NTM: variants seen among roughly 807,000 people sequenced by gnomAD.
NTM encodes the protein neurotrimin.
Under a neutral mutation model 42.1 loss-of-function variants are expected in NTM, and 13 were observed. The ratio of observed to expected loss-of-function variants is 0.31; its 90% confidence interval spans 0.20 to 0.49. The LOEUF (loss-of-function observed/expected upper bound fraction) is 0.49. NTM is among the 20% of genes least tolerant of loss of function. The pLI is 0.99. For missense variants in NTM, 373 were observed against 452.8 expected, an observed-to-expected ratio of 0.82 and a Z score of 1.60; for synonymous variants, 187 against 179.2, an observed-to-expected ratio of 1.04 and a Z score of -0.35.
chr11:131,970,363 C>T (rs1433108042), intron 2 of NTM, among the ~76,000 whole-genome samples: 1 of 152,210 alleles, frequency 6.6e-6, no homozygotes, highest in African/African-American at 2.4e-5. Flanking sequence ...CCACTCTGCA[C>T]CAGGTAAACT....
chr11:132,150,073 C>T (rs1486696700), intron 3 of NTM, among the ~76,000 whole-genome samples: 3 of 152,112 alleles, frequency 2.0e-5, no homozygotes, highest in Non-Finnish European at 2.9e-5. Flanking sequence ...AAGCACAGCA[C>T]CAACATTTGC....
chr11:131,432,836 A>ATTTTTTTTTTTT (rs1565494754), intron 1 of NTM, among the ~76,000 whole-genome samples: 1 of 87,388 alleles, frequency 1.1e-5, no homozygotes, highest in Non-Finnish European at 2.3e-5. Context: ...AAGATTTAGC[A>ATTTTTTTTTTTT]TTCTTTTTTT....
intron 3 of NTM, among the ~76,000 whole-genome samples, chr11:132,174,964 C>T (rs1333449859): frequency 2.0e-5 from 3 of 152,076 alleles, no homozygotes; most frequent in Non-Finnish European, 4.4e-5. Context: ...AACAAGACTT[C>T]ATATTTATCT....
chr11:131,952,317 A>G (rs1011563604), intron 2 of NTM, among the ~76,000 whole-genome samples: 2 of 152,210 alleles, frequency 1.3e-5, no homozygotes, highest in African/African-American at 2.4e-5. Context: ...ACCAGGATCT[A>G]TGTTCCTTCA....
intron 8 of NTM, among the ~76,000 whole-genome samples, chr11:132,331,990 G>A (rs75514463): frequency 0.011 from 1,636 of 152,290 alleles, 39 homozygotes; most frequent in African/African-American, 0.037. Context: ...TGTAGTGCTC[G>A]GTCCACTGAG....
chr11:131,634,525 G>A (rs555952992), intron 1 of NTM, among the ~76,000 whole-genome samples: 2 of 152,138 alleles, frequency 1.3e-5, no homozygotes, highest in East Asian at 1.9e-4. Context: ...ATATGTCGAT[G>A]TTGAACGCTT....
At chr11:131,855,998 G>A (rs967783576) in intron 1 of NTM, among the ~76,000 whole-genome samples, 2 of 152,214 alleles carry the variant, frequency 1.3e-5, no homozygotes, top group Non-Finnish European at 2.9e-5. Context: ...GATGGTGAGT[G>A]TCCAATAAAT....
intron 1 of NTM, among the ~76,000 whole-genome samples, chr11:131,757,938 A>T (rs2083551242): frequency 6.6e-6 from 1 of 152,242 alleles, no homozygotes; most frequent in South Asian, 2.1e-4. Flanking sequence ...AAGTAGATAA[A>T]AGATTTAATG....
In NTM at chr11:131,997,521, G is replaced by A. The variant is rs76312339; in HGVS notation, c.167+85873G>A. Among the ~76,000 whole-genome samples, 748 of 152,290 alleles carry A rather than the reference G, an allele frequency of 4.9e-3. 10 individuals carry two copies. Among genetic ancestry groups the A allele is most frequent in the African/African-American group, 0.016 (656 of 41,564 alleles). ...GCTGGCATGGTGGTGGTGAGCATGC[G>A]GGCAGTGGGTTTGCAGGCATAGCAC... On this transcript the variant is annotated intron_variant, in intron 2 of 8. Transcript: ENST00000683400.
chr11:131,406,200 T>C (rs1222653003), intron 1 of NTM, among the ~76,000 whole-genome samples: 2 of 152,210 alleles, frequency 1.3e-5, no homozygotes, highest in East Asian at 3.8e-4. Context: ...TGCTCAATAA[T>C]GTCAGAGTTA....
intron 1 of NTM, among the ~76,000 whole-genome samples, chr11:131,437,206 A>G (rs2135950817): frequency 6.6e-6 from 1 of 152,284 alleles, no homozygotes; most frequent in African/African-American, 2.4e-5. Flanking sequence ...ACTTTCAACT[A>G]TGTGGTCAAT....
intron 1 of NTM, among the ~76,000 whole-genome samples, chr11:131,440,879 T>C (rs1949569682): frequency 7.6e-6 from 1 of 131,884 alleles, no homozygotes; most frequent in Non-Finnish European, 1.6e-5. Context: ...TGCCCGTGTC[T>C]GGGGGTTTGC....
At chr11:131,721,551 T>G (rs1488343123) in intron 1 of NTM, among the ~76,000 whole-genome samples, 2 of 151,926 alleles carry the variant, frequency 1.3e-5, no homozygotes, top group Non-Finnish European at 2.9e-5. Context: ...GGCTTTGGAG[T>G]CAAATATGAG....
chr11:131,975,477 C>G (rs890702231), intron 2 of NTM, among the ~76,000 whole-genome samples: 8 of 151,934 alleles, frequency 5.3e-5, no homozygotes, highest in African/African-American at 1.9e-4. Context: ...TGCGCCTGGC[C>G]GAATCTTGCC....
intron 1 of NTM, among the ~76,000 whole-genome samples, chr11:131,571,419 C>A (rs1411933583): frequency 1.3e-5 from 2 of 152,178 alleles, no homozygotes; most frequent in African/African-American, 4.8e-5. Flanking sequence ...GAAAACTGAG[C>A]TTTCCAGGAA....
intron 1 of NTM, among the ~76,000 whole-genome samples, chr11:131,875,352 T>C (rs2048381051): frequency 6.6e-6 from 1 of 152,236 alleles, no homozygotes. Context: ...ATCTGTGAAT[T>C]GTTTACACCT....
At chr11:131,383,052 A>G (rs1300259071) in intron 1 of NTM, among the ~76,000 whole-genome samples, 1 of 152,150 alleles carries the variant, frequency 6.6e-6, no homozygotes, top group Non-Finnish European at 1.5e-5. Flanking sequence ...TAAACACTTA[A>G]AACTTTATTG....
chr11:131,627,252 G>A (rs868446852), intron 1 of NTM, among the ~76,000 whole-genome samples: 2 of 151,050 alleles, frequency 1.3e-5, no homozygotes, highest in Middle Eastern at 3.4e-3. Flanking sequence ...TTGGGGGTAT[G>A]GGGAAGGACG....
intron 1 of NTM, among the ~76,000 whole-genome samples, chr11:131,477,869 T>C (rs1192385916): frequency 2.6e-5 from 4 of 151,462 alleles, no homozygotes; most frequent in Non-Finnish European, 5.9e-5. Flanking sequence ...TCCCTATCCT[T>C]ACCTACAACG....
Sources: allele counts gnomAD v4.1 joint callset (sites outside exome capture counted in the v4.1 genomes callset), GRCh38; gene constraint gnomAD v4.1.1; transcripts MANE v1.5; gene names NCBI Gene and HGNC (gene_info 2026-07-23, HGNC 2026-07-21).